The following KCNK12 variants were observed in gnomAD, a reference collection of about 807,000 sequenced individuals.
KCNK12 encodes the protein potassium channel subfamily K member 12.
KCNK12 carries 6 observed loss-of-function variants against 25.3 expected under a neutral mutation model. The observed-to-expected ratio is 0.24, with a 90% confidence interval of 0.13 to 0.47. KCNK12 has a LOEUF of 0.47. KCNK12 is among the 20% of genes least tolerant of loss of function. KCNK12 has a pLI of 0.99. For missense variants in KCNK12, 444 were observed against 661.7 expected, an observed-to-expected ratio of 0.67 and a Z score of 3.61; for synonymous variants, 331 against 311.1, an observed-to-expected ratio of 1.06 and a Z score of -0.67.
rs1422886383 is a variant in KCNK12, at chr2:47,560,263, T to G, written c.391+9678A>C. Among the ~76,000 whole-genome samples, 2 of 152,226 alleles carry G rather than the reference T, an allele frequency of 1.3e-5. No individual in the cohort carries two copies. Among genetic ancestry groups the G allele is most frequent in the East Asian group, 1.9e-4 (1 of 5,204 alleles). On this transcript the variant is annotated intron_variant, in intron 1 of 1. Transcript: ENST00000327876. The surrounding 1 kb of genome is among the most constrained non-coding windows in gnomAD (Gnocchi z 4.7). ...CTTCAACAAGTTCCCAGAGTTCTGG[T>G]GAGCTCTGTGGGAAGCACGTGCTCT...
intron 1 of KCNK12, among the ~76,000 whole-genome samples, chr2:47,552,283 CA>C (rs1669452712): frequency 6.6e-6 from 1 of 152,200 alleles, no homozygotes; most frequent in Non-Finnish European, 1.5e-5. Context: ...CTGCAGGGCA[CA>C]GGGGGCTGCC....
At position 47,565,685 on chromosome 2, in the gene KCNK12, T is replaced by C. The variant is rs1669775261; in HGVS notation, c.391+4256A>G. The C allele has an allele frequency of 6.6e-6, 1 of 152,260 alleles. No individual in the cohort carries two copies. Among genetic ancestry groups the C allele is most frequent in the Admixed American group, 6.5e-5 (1 of 15,288 alleles). 9.4% of individuals were successfully genotyped at this position (152,260 alleles called of 1,614,324 possible). On this transcript the variant is annotated intron_variant, in intron 1 of 1. Coordinates refer to ENST00000327876, the MANE Select transcript of KCNK12 (RefSeq NM_022055.2). This position sits in a 1 kb window ranked among gnomAD's most constrained non-coding sequence, Gnocchi z 5.0. ...TTAAAACCCCAGTGGAGAGTTTCCA[T>C]TTAATCTTTTCAAAGTTAACTGATA...
chr2:47,526,437 AAAC>A (rs1668778650), intron 1 of KCNK12, among the ~76,000 whole-genome samples: 1 of 147,252 alleles, frequency 6.8e-6, no homozygotes, highest in Admixed American at 6.8e-5. Flanking sequence ...GAAAGAAAAG[AAAC>A]AAAGAAACTG....
chr2:47,522,085 A>G (rs980282871), intron 1 of KCNK12, among the ~76,000 whole-genome samples: 2 of 152,228 alleles, frequency 1.3e-5, no homozygotes, highest in African/African-American at 4.8e-5. Flanking sequence ...GGTAGTCACT[A>G]GGAAGGACCC....
At chr2:47,534,972 C>T (rs903290322) in intron 1 of KCNK12, 1 of 225,420 alleles carries the variant, frequency 4.4e-6, no homozygotes, top group Non-Finnish European at 8.8e-6. Flanking sequence ...GTTTTATACA[C>T]CTGGAGAAGC....
intron 1 of KCNK12, among the ~76,000 whole-genome samples, chr2:47,550,266 C>T (rs1402834911): frequency 1.3e-5 from 2 of 151,624 alleles, no homozygotes; most frequent in Non-Finnish European, 2.9e-5. Context: ...AAGGAAACTA[C>T]ACAAAGGCAC....
chr2:47,528,773 G>A lies in KCNK12; in HGVS notation c.392-6965C>T, dbSNP rs575310152. ...TCGTTCCCACAGCCTGTCTGGTGCC[G>A]CCTTCGCAAATGGGGCCCTGGTGAT... On this transcript the variant is annotated intron_variant, in intron 1 of 1. Coordinates refer to ENST00000327876, the MANE Select transcript of KCNK12 (RefSeq NM_022055.2). This position sits in a 1 kb window ranked among gnomAD's most constrained non-coding sequence, Gnocchi z 4.5. Among the ~76,000 whole-genome samples, 14 of 152,336 alleles carry A rather than the reference G, an allele frequency of 9.2e-5. No individual in the cohort carries two copies. The highest frequency in any genetic ancestry group is 7.7e-4 in the East Asian group (4 of 5,192).
chr2:47,564,209 T>G (rs1480427705), intron 1 of KCNK12: 6 of 231,142 alleles, frequency 2.6e-5, no homozygotes, highest in African/African-American at 1.3e-4. Flanking sequence ...GGTGGATAAC[T>G]GTCCAGTCGC....
chr2:47,561,702 C>T (rs1474778620), intron 1 of KCNK12, among the ~76,000 whole-genome samples: 1 of 152,182 alleles, frequency 6.6e-6, no homozygotes, highest in Non-Finnish European at 1.5e-5. Flanking sequence ...AAAGTAACCC[C>T]ATGGGGTAAG....
chr2:47,549,904 A>G (rs1194576884), intron 1 of KCNK12, among the ~76,000 whole-genome samples: 2 of 152,038 alleles, frequency 1.3e-5, no homozygotes, highest in African/African-American at 2.4e-5. Flanking sequence ...ACTGCACTCC[A>G]GCCTGGGTGA....
In KCNK12 at chr2:47,512,880, C is replaced by T. The variant is rs1299275151; in HGVS notation, c.*8027G>A. Reference sequence around the variant, plus strand: ...CTATCATACTACCCTCATTGTCACCCCTCAGAGGTCCCACTGCAGCTGCAT... The same window carrying T: ...CTATCATACTACCCTCATTGTCACCTCTCAGAGGTCCCACTGCAGCTGCAT... On this transcript the variant is annotated 3_prime_UTR_variant, in exon 2 of 2. Coordinates refer to ENST00000327876, the MANE Select transcript of KCNK12 (RefSeq NM_022055.2). The T allele has an allele frequency of 6.4e-6, 1 of 157,062 alleles. No individual in the cohort carries two copies. 9.7% of individuals were successfully genotyped at this position (157,062 alleles called of 1,614,324 possible).
At position 47,521,804 on chromosome 2, in the gene KCNK12, G is replaced by A. The variant is rs1461830803; in HGVS notation, c.396C>T (p.Phe132=). ...FVGTVVSTIG[F]GMTTPATVGG... ...CCACCGTCGCGGGGGTGGTCATGCC[G>A]AAACCTGTGGAGACAGGGCAGGGTC... The change falls in exon 2 of 2, where the codon TTC becomes TTT. Residue 132 remains phenylalanine (F), a synonymous_variant. Coordinates refer to ENST00000327876, the MANE Select transcript of KCNK12 (RefSeq NM_022055.2). 3 of 1,465,602 alleles carry A rather than the reference G, an allele frequency of 2.0e-6. No individual in the cohort carries two copies. The highest frequency in any genetic ancestry group is 2.7e-6 in the Non-Finnish European group (3 of 1,106,524). 90.8% of individuals were successfully genotyped at this position (1,465,602 alleles called of 1,614,324 possible).
intron 1 of KCNK12, among the ~76,000 whole-genome samples, 190 bp from the exon 2 acceptor site, chr2:47,521,998 A>G (rs953827216): frequency 2.0e-5 from 3 of 152,214 alleles, no homozygotes; most frequent in African/African-American, 4.8e-5. Context: ...AGGTTTCCTG[A>G]TCTTGGCAGC....
chr2:47,565,923 G>GT lies in KCNK12; in HGVS notation c.391+4017dup, dbSNP rs946382441. ...ATGATGAGTGATGCTTGTCTTAGAT[G>GT]TTTTTTAATTGGCAGAATGAATAAA... On this transcript the variant is annotated intron_variant, in intron 1 of 1. Transcript: ENST00000327876. This position sits in a 1 kb window ranked among gnomAD's most constrained non-coding sequence, Gnocchi z 5.0. 1.3e-5 allele frequency: 2 copies of GT among 152,198 alleles called. No individual in the cohort carries two copies. Among genetic ancestry groups the GT allele is most frequent in the African/African-American group, 4.8e-5 (2 of 41,438 alleles). The allele number at this position is 152,198 out of a possible 1,614,324, so 9.4% of individuals were successfully genotyped here. A position where few individuals can be genotyped will look rare whatever the true frequency, so the allele number is the denominator to read the frequency against.
Position 47,513,171 on chromosome 2 carries a change from T to C in KCNK12, c.*7736A>G, listed in dbSNP as rs1221621849. The C allele has an allele frequency of 3.3e-5, 5 of 152,190 alleles. No homozygotes were observed. Among genetic ancestry groups the C allele is most frequent in the African/African-American group, 1.2e-4 (5 of 41,436 alleles). The allele number at this position is 152,190 out of a possible 1,614,324, so 9.4% of individuals were successfully genotyped here. ...GTATTATTTTGAACCTCTGTTAGAG[T>C]GGCTTGAATCTGTATCCTAACTTGT... On this transcript the variant is annotated 3_prime_UTR_variant, in exon 2 of 2. Coordinates refer to ENST00000327876, the MANE Select transcript of KCNK12 (RefSeq NM_022055.2).
At chr2:47,552,097 C>T (rs1669447168) in intron 1 of KCNK12, among the ~76,000 whole-genome samples, 1 of 152,004 alleles carries the variant, frequency 6.6e-6, no homozygotes, top group Non-Finnish European at 1.5e-5. Context: ...TGCCCTTTAG[C>T]CACAAACAGC....
In KCNK12 at chr2:47,528,747, C is replaced by G. The variant is rs1668849932; in HGVS notation, c.392-6939G>C. Among the ~76,000 whole-genome samples, 1 of 152,264 alleles carries G rather than the reference C, an allele frequency of 6.6e-6. No homozygotes were observed. The highest frequency in any genetic ancestry group is 2.4e-5 in the African/African-American group (1 of 41,478). ...TGCCACTTTGACAAAAGCTGTGAAG[C>G]TCGTTCCCACAGCCTGTCTGGTGCC... On this transcript the variant is annotated intron_variant, in intron 1 of 1. Transcript: ENST00000327876. This position sits in a 1 kb window ranked among gnomAD's most constrained non-coding sequence, Gnocchi z 4.5.
intron 1 of KCNK12, among the ~76,000 whole-genome samples, chr2:47,523,373 C>T (rs919241440): frequency 6.6e-6 from 1 of 152,218 alleles, no homozygotes; most frequent in African/African-American, 2.4e-5. Flanking sequence ...CATCAGTCAT[C>T]CTTGCTCACA....
rs1430533712 is a variant in KCNK12, at chr2:47,538,895, G to C, written c.392-17087C>G. ...TAATGTGAGGGAGAAACATAAACTA[G>C]TAGTTTTACAAAAAGAAAAAGAAAT... is the stretch of plus-strand genomic sequence containing the variant. On this transcript the variant is annotated intron_variant, in intron 1 of 1. Transcript: ENST00000327876. This position sits in a 1 kb window ranked among gnomAD's most constrained non-coding sequence, Gnocchi z 4.5. Among the ~76,000 whole-genome samples, 1 of 152,184 alleles carries C rather than the reference G, an allele frequency of 6.6e-6. No individual in the cohort carries two copies. Among genetic ancestry groups the C allele is most frequent in the Non-Finnish European group, 1.5e-5 (1 of 68,034 alleles).
Sources: gnomAD v4.1 joint callset for allele counts (sites outside exome capture counted in the v4.1 genomes callset) on GRCh38, gnomAD v4.1.1 for gene constraint, Gnocchi (gnomAD v3.1) non-coding constraint, MANE v1.5 for transcripts, NCBI Gene and HGNC (gene_info 2026-07-23, HGNC 2026-07-21) for gene names.